Variants in MINK1 observed in about 807,000 individuals in gnomAD.
MINK1 encodes the protein misshapen like kinase 1, also known as misshapen-like kinase 1.
MINK1 carries 46 observed loss-of-function variants against 178.4 expected under a neutral mutation model. The observed-to-expected ratio is 0.26, with a 90% CI of 0.20 to 0.33. The LOEUF is 0.33. Among genes scored for constraint, MINK1 ranks in the 10% least tolerant of loss-of-function variants. MINK1 has a pLI of 1.00. For synonymous variants in MINK1, 797 were observed against 709.7 expected (o/e 1.12, Z -1.96); for missense variants, 1,366 against 1,814.9 (o/e 0.75, Z 4.49).
intron 16 of MINK1, 99 bp from the exon 17 acceptor site, chr17:4,892,050 C>A: frequency 1.0e-6 from 1 of 988,234 alleles, no homozygotes; most frequent in Non-Finnish European, 1.5e-6. Flanking sequence ...TTTTCTCATC[C>A]ATCAAAGTGG....
In MINK1 at chr17:4,891,659, T is replaced by C. The variant is rs1968830159; in HGVS notation, c.1944T>C (p.Pro648=). 13 of 1,600,904 alleles carry C rather than the reference T, an allele frequency of 8.1e-6. No individual in the cohort carries two copies. Among genetic ancestry groups the C allele is most frequent in the Non-Finnish European group, 1.1e-5 (13 of 1,174,520 alleles). ...ATTCAGACCCCACCTCTGAAGGACC[T>C]GGCCCCAGCCCGAATCCCCCAGCCT... ...RQNSDPTSEG[P]GPSPNPPAWV... is the part of the protein sequence containing the mutation. The change falls in exon 16 of 32, where the codon CCT becomes CCC. Residue 648 remains proline (P), a synonymous_variant. Coordinates refer to ENST00000355280, the MANE Select transcript of MINK1 (RefSeq NM_153827.5).
rs1488094947 is a variant in MINK1 at position 4,892,821 on chromosome 17, T to C, written c.2311+53T>C. The C allele has an allele frequency of 7.3e-6, 11 of 1,507,110 alleles. No individual in the cohort carries two copies. In the Admixed American group the frequency reaches 1.5e-4, roughly 20 times the overall value. 93.4% of individuals were successfully genotyped at this position (1,507,110 alleles called of 1,614,324 possible). On this transcript the variant is annotated intron_variant, in intron 19 of 31. Coordinates refer to ENST00000355280, the MANE Select transcript of MINK1 (RefSeq NM_153827.5). ...CTCTGGGCCTGGGGGCTTATCACCA[T>C]GGACCCTGCCTTTGGTGGCTTTGGA...
At chr17:4,882,038 A>G (rs530643920) in intron 4 of MINK1, among the ~76,000 whole-genome samples, 1 of 152,360 alleles carries the variant, frequency 6.6e-6, no homozygotes, top group East Asian at 1.9e-4. Context: ...CTGGCCTCCA[A>G]GGCCCTTTGG....
chr17:4,894,150 C>T lies in MINK1; in HGVS notation c.2671-24C>T, dbSNP rs1334605190. On this transcript the variant is annotated intron_variant, in intron 22 of 31. Transcript: ENST00000355280. This position sits in a 1 kb window ranked among gnomAD's most constrained non-coding sequence, Gnocchi z 4.1. Reference sequence around the variant, plus strand: ...TGTGTGTGCCCTCCTCAGCCCCACGCCAACCCTGCCCTCTGTCCTGTAGAC... The same window carrying T: ...TGTGTGTGCCCTCCTCAGCCCCACGTCAACCCTGCCCTCTGTCCTGTAGAC... 1.2e-5 allele frequency: 19 copies of T among 1,612,832 alleles called. No homozygotes were observed. The highest frequency in any genetic ancestry group is 1.6e-5 in the Non-Finnish European group (19 of 1,179,312).
intron 20 of MINK1, 74 bp from the exon 21 acceptor site, chr17:4,893,360 G>T (rs368461644): frequency 3.1e-6 from 5 of 1,612,278 alleles, no homozygotes; most frequent in Non-Finnish European, 4.2e-6. Flanking sequence ...CCCTGCTGGG[G>T]TGTCCCGGCA....
rs1230174258 is a variant in MINK1, at chr17:4,885,099, C to G, written c.508+97C>G. ...TCTCTGGTGGCTCAGGCCCAACTCC[C>G]TTCCTACTGGGGAGGCTCACTCCCT... is the stretch of plus-strand genomic sequence containing the variant. On this transcript the variant is annotated intron_variant, in intron 6 of 31. Transcript: ENST00000355280. This position sits in a 1 kb window ranked among gnomAD's most constrained non-coding sequence, Gnocchi z 5.0. 6 of 1,141,622 alleles carry G rather than the reference C, an allele frequency of 5.3e-6. No homozygotes were observed. The highest frequency in any genetic ancestry group is 7.7e-6 in the Non-Finnish European group (6 of 779,966). The allele number at this position is 1,141,622 out of a possible 1,614,324, so 70.7% of individuals were successfully genotyped here.
At chr17:4,835,402 G>T (rs371999203) in intron 1 of MINK1, among the ~76,000 whole-genome samples, 13 of 152,280 alleles carry the variant, frequency 8.5e-5, no homozygotes, top group African/African-American at 3.1e-4. Context: ...CCGAGGTGGG[G>T]CATCACCTGA....
chr17:4,890,939 T>C lies in MINK1; in HGVS notation c.1567-12T>C. On this transcript the variant is annotated splice_polypyrimidine_tract_variant and intron_variant, in intron 14 of 31. Transcript: ENST00000355280. ...CAAGAGCTGGCCTGCTTGACATCCC[T>C]TCACATCACAGGTAGAAGAGAGAAC... 3 of 1,553,066 alleles carry C rather than the reference T, an allele frequency of 1.9e-6. No individual in the cohort carries two copies. Among genetic ancestry groups the C allele is most frequent in the Non-Finnish European group, 2.6e-6 (3 of 1,147,820 alleles).
chr17:4,890,264 G>C, intron 13 of MINK1: 1 of 1,233,012 alleles, frequency 8.1e-7, no homozygotes, highest in Non-Finnish European at 1.0e-6. Context: ...GCGACAGCTC[G>C]AGATCCTTCA....
intron 1 of MINK1, among the ~76,000 whole-genome samples, chr17:4,852,572 T>C (rs1226174453): frequency 6.7e-6 from 1 of 150,348 alleles, no homozygotes; most frequent in African/African-American, 2.5e-5. Context: ...AGCCACTAGT[T>C]AGTGCAGTGT....
rs770873926 is a variant in MINK1, at chr17:4,895,637, C to T, written c.3230-61C>T. On this transcript the variant is annotated intron_variant, in intron 26 of 31. Transcript: ENST00000355280. The surrounding 1 kb of genome is among the most constrained non-coding windows in gnomAD (Gnocchi z 4.3). ...GGTATGCTGACAGAGGAGGCCAGGG[C>T]GGTGGCATTCGGGCCTCAGATGAGA... 61 of 1,589,316 alleles carry T rather than the reference C, an allele frequency of 3.8e-5. No individual in the cohort carries two copies. Among genetic ancestry groups the T allele is most frequent in the Middle Eastern group, 1.7e-4 (1 of 5,934 alleles).
At chr17:4,840,998 G>A (rs1206917664) in intron 1 of MINK1, among the ~76,000 whole-genome samples, 1 of 152,098 alleles carries the variant, frequency 6.6e-6, no homozygotes, top group Non-Finnish European at 1.5e-5. Context: ...AAGAAACGTG[G>A]TGATAGTTGG....
chr17:4,834,044 T>C lies in MINK1; in HGVS notation c.57+404T>C, dbSNP rs191711969. On this transcript the variant is annotated intron_variant, in intron 1 of 31. Coordinates refer to ENST00000355280, the MANE Select transcript of MINK1 (RefSeq NM_153827.5). ...ACTTCTATCTTCTTCCTTCCCCTCC[T>C]CTTCCTCAGCTCCTGGAATTTTGAC... Among the ~76,000 whole-genome samples, 320 of 152,282 alleles carry C rather than the reference T, an allele frequency of 2.1e-3. 1 individual carries two copies. Among genetic ancestry groups the C allele is most frequent in the Non-Finnish European group, 3.8e-3 (261 of 68,026 alleles).
chr17:4,839,144 C>T (rs758456550), intron 1 of MINK1, among the ~76,000 whole-genome samples: 4 of 152,128 alleles, frequency 2.6e-5, no homozygotes, highest in Admixed American at 6.6e-5. Context: ...GGGGTTTCAC[C>T]GTGTTAGCCA....
intron 1 of MINK1, among the ~76,000 whole-genome samples, chr17:4,866,167 T>C (rs1426489934): frequency 6.6e-6 from 1 of 152,112 alleles, no homozygotes; most frequent in Non-Finnish European, 1.5e-5. Context: ...TTTAGAATCA[T>C]AGAGTTAGAA....
chr17:4,839,629 C>G (rs1244388932), intron 1 of MINK1, among the ~76,000 whole-genome samples: 4 of 152,182 alleles, frequency 2.6e-5, no homozygotes, highest in Non-Finnish European at 5.9e-5. Context: ...CAGTCCTTGA[C>G]TTGAGACTGG....
Position 4,894,951 on chromosome 17 carries a change from C to A in MINK1, c.2918-124C>A. ...CCCCCTCTCCCATGCACCTCCTCTCCTCCTGTCTTTCTCCTCCTTTCTGCG... is the reference window on the plus strand; with the variant it reads ...CCCCCTCTCCCATGCACCTCCTCTCATCCTGTCTTTCTCCTCCTTTCTGCG... On this transcript the variant is annotated intron_variant, in intron 24 of 31. Transcript: ENST00000355280. This position sits in a 1 kb window ranked among gnomAD's most constrained non-coding sequence, Gnocchi z 4.1. The A allele has an allele frequency of 1.8e-6, 2 of 1,089,364 alleles. No homozygotes were observed. Among genetic ancestry groups the A allele is most frequent in the South Asian group, 1.5e-5 (1 of 66,656 alleles). The allele number at this position is 1,089,364 out of a possible 1,614,324, so 67.5% of individuals were successfully genotyped here.
chr17:4,876,965 T>G (rs1967235883), intron 1 of MINK1, among the ~76,000 whole-genome samples: 1 of 152,064 alleles, frequency 6.6e-6, no homozygotes, highest in South Asian at 2.1e-4. Context: ...GGTGCATGCC[T>G]GTGGTCCCAG....
rs61659154 is a variant in MINK1, at chr17:4,873,423, G to A, written c.58-4894G>A. ...TTCAAACCCAGCCTGTTCTCCCACA[G>A]CACAGCATGACAATAGAATGTACCT... On this transcript the variant is annotated intron_variant, in intron 1 of 31. Coordinates refer to ENST00000355280, the MANE Select transcript of MINK1 (RefSeq NM_153827.5). Among the ~76,000 whole-genome samples, 14 of 1,286 alleles carry A rather than the reference G, an allele frequency of 0.011. 1 individual carries two copies. The African/African-American group carries it at 0.15, about 14-fold the overall frequency. The allele number at this position is 1,286 out of a possible 152,430, so 0.8% of individuals were successfully genotyped here.
Sources: gnomAD v4.1 joint callset for allele counts (sites outside exome capture counted in the v4.1 genomes callset) on GRCh38, gnomAD v4.1.1 for gene constraint, Gnocchi (gnomAD v3.1) non-coding constraint, MANE v1.5 for transcripts, NCBI Gene and HGNC (gene_info 2026-07-23, HGNC 2026-07-21) for gene names.